The following CACNB2 variants were observed in gnomAD, a reference collection of about 807,000 sequenced individuals.
The protein encoded by CACNB2 is calcium voltage-gated channel auxiliary subunit beta 2.
In CACNB2, 42 loss-of-function variants were observed where a neutral mutation model predicts 73.3. That is an observed-to-expected ratio of 0.57 (90% CI 0.45 to 0.74). The LOEUF (loss-of-function observed/expected upper bound fraction) is 0.74. Among genes scored for constraint, CACNB2 ranks in the 30% least tolerant of loss-of-function variants. The pLI is 0.00. For missense variants in CACNB2, 940 were observed against 853.0 expected (o/e 1.10, Z -1.27); for synonymous variants, 348 against 310.3 (o/e 1.12, Z -1.28).
intron 2 of CACNB2, among the ~76,000 whole-genome samples, chr10:18,164,470 T>C (rs1013816876): frequency 6.4e-4 from 98 of 152,102 alleles, no homozygotes; most frequent in African/African-American, 2.4e-3. Flanking sequence ...GGAAGAAGAA[T>C]TGGTTAGTGT....
chr10:18,279,363 G>A (rs897025223), intron 2 of CACNB2, among the ~76,000 whole-genome samples: 2 of 152,118 alleles, frequency 1.3e-5, no homozygotes, highest in African/African-American at 4.8e-5. Context: ...CTGATGATTC[G>A]CACCAAGGGG....
At chr10:18,366,736 G>C (rs1478751833) in intron 2 of CACNB2, among the ~76,000 whole-genome samples, 1 of 151,530 alleles carries the variant, frequency 6.6e-6, no homozygotes, top group Non-Finnish European at 1.5e-5. Context: ...GTTGCAGCGA[G>C]CGGACATTGT....
At chr10:18,260,933 A>G in intron 2 of CACNB2, 1 of 1,198,404 alleles carries the variant, frequency 8.3e-7, no homozygotes, top group Non-Finnish European at 1.0e-6. Flanking sequence ...AACTCTGACG[A>G]TCTGGACAGT....
intron 6 of CACNB2, among the ~76,000 whole-genome samples, chr10:18,512,658 CA>C (rs1313008890): frequency 6.6e-6 from 1 of 152,152 alleles, no homozygotes; most frequent in East Asian, 1.9e-4. Context: ...GGAAACACTA[CA>C]ATCAACACAT....
rs1387542330 is a variant in CACNB2, at chr10:18,541,162, T to C, written c.*1438T>C. On this transcript the variant is annotated 3_prime_UTR_variant, in exon 14 of 14. Transcript: ENST00000324631. ...TCCTGTTGTTTGTTTACCTCCCAGT[T>C]ACCTACCATTCCTCCCCACCACCGA... The C allele has an allele frequency of 6.5e-6, 1 of 152,738 alleles. No individual in the cohort carries two copies. Among genetic ancestry groups the C allele is most frequent in the African/African-American group, 2.4e-5 (1 of 41,448 alleles). The allele number at this position is 152,738 out of a possible 1,614,324, so 9.5% of individuals were successfully genotyped here. A position where few individuals can be genotyped will look rare whatever the true frequency, so the allele number is the denominator to read the frequency against.
Position 18,518,373 on chromosome 10 carries a change from T to C in CACNB2, c.842T>C (p.Met281Thr). 1.2e-6 allele frequency: 2 copies of C among 1,613,862 alleles called. No homozygotes were observed. The highest frequency in any genetic ancestry group is 1.7e-6 in the Non-Finnish European group (2 of 1,179,754). Residue 281 changes from methionine to threonine, a missense_variant, in exon 8 of 14, where the codon ATG becomes ACG. By Grantham distance (81) the Met-to-Thr change is moderately conservative (BLOSUM62 -1). Coordinates refer to ENST00000324631, the MANE Select transcript of CACNB2 (RefSeq NM_201596.3). ...HTPPYDVVPSMRPVVLVGPSL... is the reference protein window; with the variant it reads ...HTPPYDVVPSTRPVVLVGPSL... ...CCTCCGTATGATGTGGTACCTTCCA[T>C]GCGACCAGTGGTCCTAGTGGGCCCT...
At chr10:18,218,522 G>A (rs2035602370) in intron 2 of CACNB2, among the ~76,000 whole-genome samples, 1 of 152,170 alleles carries the variant, frequency 6.6e-6, no homozygotes, top group Admixed American at 6.5e-5. Flanking sequence ...CATTCAATTA[G>A]CTGTGTGTGT....
At chr10:18,283,706 T>A (rs926181670) in intron 2 of CACNB2, among the ~76,000 whole-genome samples, 2 of 150,164 alleles carry the variant, frequency 1.3e-5, no homozygotes, top group Non-Finnish European at 3.0e-5. Flanking sequence ...CATTAGGAGA[T>A]ATACCTAATG....
chr10:18,217,577 A>G (rs1035597890), intron 2 of CACNB2, among the ~76,000 whole-genome samples: 1 of 152,082 alleles, frequency 6.6e-6, no homozygotes, highest in East Asian at 1.9e-4. Flanking sequence ...GGAGATGAGC[A>G]TAAGGGAAGT....
intron 1 of CACNB2, among the ~76,000 whole-genome samples, chr10:18,149,110 A>G (rs757579311): frequency 6.6e-6 from 1 of 152,050 alleles, no homozygotes; most frequent in Non-Finnish European, 1.5e-5. Flanking sequence ...GATTGTCGCT[A>G]CACCCCCAAA....
chr10:18,267,461 C>G (rs1004482993), intron 2 of CACNB2, among the ~76,000 whole-genome samples: 1 of 151,980 alleles, frequency 6.6e-6, no homozygotes, highest in Non-Finnish European at 1.5e-5. Context: ...CAGAAATTAG[C>G]CAGGTGTGGT....
intron 2 of CACNB2, among the ~76,000 whole-genome samples, chr10:18,251,465 C>G (rs1236025357): frequency 6.6e-6 from 1 of 152,138 alleles, no homozygotes; most frequent in Non-Finnish European, 1.5e-5. Flanking sequence ...CCAGGCTGGT[C>G]TTGAACTCCT....
chr10:18,460,783 A>C (rs895377073), intron 3 of CACNB2, among the ~76,000 whole-genome samples: 2 of 151,730 alleles, frequency 1.3e-5, no homozygotes, highest in Admixed American at 1.3e-4. Context: ...CCAGCTACTC[A>C]GGAAGATGAG....
At position 18,539,547 on chromosome 10, in the gene CACNB2, C is replaced by G. The variant is rs1472987021; in HGVS notation, c.1806C>G (p.His602Gln). ...DETHGSSDHR[H>Q]RESRHRSRDV... is the part of the protein sequence containing the mutation. The stretch of plus-strand genomic sequence containing the variant: ...CCCACGGGAGCAGTGACCACAGACA[C>G]AGGGAGTCCCGGCACCGTTCCCGGG... Residue 602 changes from histidine to glutamine, a missense_variant, in exon 14 of 14, where the codon CAC becomes CAG. Transcript: ENST00000324631. 4.3e-6 allele frequency: 7 copies of G among 1,613,614 alleles called. No individual in the cohort carries two copies. The Admixed American group carries it at 1.2e-4, about 27-fold the overall frequency.
At chr10:18,372,745 A>G (rs948817651) in intron 2 of CACNB2, among the ~76,000 whole-genome samples, 1 of 151,964 alleles carries the variant, frequency 6.6e-6, no homozygotes, top group Admixed American at 6.6e-5. Flanking sequence ...CTTCTTCCTC[A>G]TTTATGTGTC....
At chr10:18,495,463 C>T (rs1215552725) in intron 3 of CACNB2, among the ~76,000 whole-genome samples, 2 of 152,094 alleles carry the variant, frequency 1.3e-5, no homozygotes, top group South Asian at 2.1e-4. Flanking sequence ...AGGTGATCCT[C>T]CCACCTTGGC....
chr10:18,240,799 C>G (rs1437757073), intron 2 of CACNB2, among the ~76,000 whole-genome samples: 2 of 152,062 alleles, frequency 1.3e-5, no homozygotes, highest in Non-Finnish European at 2.9e-5. Context: ...TTTTCTCCCC[C>G]ATCCTGCCTG....
intron 8 of CACNB2, 96 bp from the exon 9 acceptor site, chr10:18,518,814 C>T (rs2051536837): frequency 8.8e-7 from 1 of 1,136,792 alleles, no homozygotes; most frequent in African/African-American, 1.5e-5. Flanking sequence ...ATGCAAAGCT[C>T]AGGTTTTCAA....
At chr10:18,282,933 T>G (rs529544369) in intron 2 of CACNB2, among the ~76,000 whole-genome samples, 2 of 152,220 alleles carry the variant, frequency 1.3e-5, no homozygotes, top group Non-Finnish European at 2.9e-5. Flanking sequence ...GACAAAGGGC[T>G]AATATCCAGA....
Sources: gnomAD v4.1 joint callset for allele counts (sites outside exome capture counted in the v4.1 genomes callset) on GRCh38, gnomAD v4.1.1 for gene constraint, MANE v1.5 for transcripts, NCBI Gene and HGNC (gene_info 2026-07-23, HGNC 2026-07-21) for gene names.